ABCC5: variants seen among roughly 807,000 people sequenced by gnomAD.
ABCC5 encodes the protein ATP binding cassette subfamily C member 5.
In ABCC5, 61 loss-of-function variants were observed where a neutral mutation model predicts 160.9. The ratio of observed to expected loss-of-function variants is 0.38; its 90% CI spans 0.31 to 0.47. The LOEUF is 0.47. Among genes scored for constraint, ABCC5 ranks in the 20% least tolerant of loss-of-function variants. The pLI, the probability that ABCC5 is intolerant of heterozygous loss-of-function variation, is 0.99. For synonymous variants in ABCC5, 666 were observed against 700.6 expected, an observed-to-expected ratio of 0.95 and a Z score of 0.78; for missense variants, 1,308 against 1,813.3, an observed-to-expected ratio of 0.72 and a Z score of 5.06.
At chr3:184,005,045 C>G (rs1012731948) in intron 2 of ABCC5, among the ~76,000 whole-genome samples, 5 of 152,188 alleles carry the variant, frequency 3.3e-5, no homozygotes, top group African/African-American at 1.2e-4. Flanking sequence ...CAGCCCAGCA[C>G]ACTGGGCCAG....
chr3:183,963,368 G>A lies in ABCC5; in HGVS notation c.2235+17C>T, dbSNP rs1258731907. 3 of 1,613,850 alleles carry A rather than the reference G, an allele frequency of 1.9e-6. No individual in the cohort carries two copies. The African/African-American group carries it at 4.0e-5, about 22-fold the overall frequency. ...TCCCAAACTCAGGCAGGCAGCCGAG[G>A]GAAGAAAGAACCATACCTGTAACTG... On this transcript the variant is annotated intron_variant, in intron 15 of 29. Coordinates refer to ENST00000334444, the MANE Select transcript of ABCC5 (RefSeq NM_005688.4). This position sits in a 1 kb window ranked among gnomAD's most constrained non-coding sequence, Gnocchi z 4.6.
At chr3:183,985,271 G>C (rs1363773907) in intron 5 of ABCC5, 1 of 1,569,422 alleles carries the variant, frequency 6.4e-7, no homozygotes, top group South Asian at 1.1e-5. Flanking sequence ...TCTGGCTGTG[G>C]AAAGCATTCC....
chr3:183,985,063 A>G, intron 5 of ABCC5: 3 of 677,488 alleles, frequency 4.4e-6, no homozygotes, highest in Non-Finnish European at 7.4e-6. Context: ...GGGGGGAAAA[A>G]GAGGAAACAG....
chr3:183,920,425 C>CA lies in ABCC5; in HGVS notation c.*874dup, dbSNP rs1711860127. The stretch of plus-strand genomic sequence containing the variant: ...GGTCTTGGAGCTGGAGAGCTCTGTG[C>CA]AGTGGCCAGCCATAGGAACCTGAGG... On this transcript the variant is annotated 3_prime_UTR_variant, in exon 30 of 30. Transcript: ENST00000334444. This position sits in a 1 kb window ranked among gnomAD's most constrained non-coding sequence, Gnocchi z 4.1. 1 of 152,572 alleles carries CA rather than the reference C, an allele frequency of 6.6e-6. No individual in the cohort carries two copies. The highest frequency in any genetic ancestry group is 1.5e-5 in the Non-Finnish European group (1 of 68,046). 9.5% of individuals were successfully genotyped at this position (152,572 alleles called of 1,614,324 possible). A position where few individuals can be genotyped will look rare whatever the true frequency, so the allele number is the denominator to read the frequency against.
intron 8 of ABCC5, among the ~76,000 whole-genome samples, chr3:183,981,111 C>G (rs1288837156): frequency 6.6e-6 from 1 of 152,196 alleles, no homozygotes; most frequent in Non-Finnish European, 1.5e-5. Context: ...AGCCTCATCT[C>G]TTTTATTTAA....
At chr3:183,993,743 A>T (rs1393764971) in intron 2 of ABCC5, among the ~76,000 whole-genome samples, 3 of 152,190 alleles carry the variant, frequency 2.0e-5, no homozygotes. Context: ...TATATAACAT[A>T]AAATTTGCCA....
chr3:183,954,557 T>C (rs1715690158), intron 17 of ABCC5, among the ~76,000 whole-genome samples: 1 of 152,118 alleles, frequency 6.6e-6, no homozygotes, highest in Non-Finnish European at 1.5e-5. Context: ...GAACTGGGGT[T>C]GTGATGGTGG....
At chr3:184,014,142 G>T (rs1721990836) in intron 2 of ABCC5, 122 bp downstream of exon 2, 3 of 782,944 alleles carry the variant, frequency 3.8e-6, no homozygotes, top group Non-Finnish European at 6.0e-6. Context: ...CAAAGTGCTG[G>T]GTTTATAGGC....
Position 183,949,740 on chromosome 3 carries a change from C to T in ABCC5, c.3227+13G>A. 6.2e-7 allele frequency: 1 copy of T among 1,613,860 alleles called. No individual in the cohort carries two copies. Among genetic ancestry groups the T allele is most frequent in the Non-Finnish European group, 8.5e-7 (1 of 1,179,950 alleles). On this transcript the variant is annotated intron_variant, in intron 22 of 29. Transcript: ENST00000334444. This position sits in a 1 kb window ranked among gnomAD's most constrained non-coding sequence, Gnocchi z 4.2. Reference sequence around the variant, plus strand: ...ACTCCCCTTTGAGGCCTCTAGCCCCCATCAGGACAAACCTGTGCAGAAACT... The same window carrying T: ...ACTCCCCTTTGAGGCCTCTAGCCCCTATCAGGACAAACCTGTGCAGAAACT...
chr3:183,951,745 G>T lies in ABCC5; in HGVS notation c.2814+112C>A. 1 of 1,496,604 alleles carries T rather than the reference G, an allele frequency of 6.7e-7. No individual in the cohort carries two copies. The highest frequency in any genetic ancestry group is 9.1e-7 in the Non-Finnish European group (1 of 1,104,524). 92.7% of individuals were successfully genotyped at this position (1,496,604 alleles called of 1,614,324 possible). A position where few individuals can be genotyped will look rare whatever the true frequency, so the allele number is the denominator to read the frequency against. On this transcript the variant is annotated intron_variant, in intron 19 of 29. Transcript: ENST00000334444. This position sits in a 1 kb window ranked among gnomAD's most constrained non-coding sequence, Gnocchi z 4.7. Reference sequence around the variant, plus strand: ...ACGGAATATGAGTCATCTCAGCCAGGGCCATCCTGGTTAAGGGAGCTCCCC... The same window carrying T: ...ACGGAATATGAGTCATCTCAGCCAGTGCCATCCTGGTTAAGGGAGCTCCCC...
rs1156544383 is a variant in ABCC5, at chr3:183,988,476, G to C, written c.443+96C>G. On this transcript the variant is annotated intron_variant, in intron 4 of 29. Coordinates refer to ENST00000334444, the MANE Select transcript of ABCC5 (RefSeq NM_005688.4). The surrounding 1 kb of genome is among the most constrained non-coding windows in gnomAD (Gnocchi z 4.4). ...CCGCCCGCCCTCCACTGGACAGCTC[G>C]GCTCTTTAAAGACACAGAGCTGTGG... 1 of 1,465,822 alleles carries C rather than the reference G, an allele frequency of 6.8e-7. No individual in the cohort carries two copies. Among genetic ancestry groups the C allele is most frequent in the Non-Finnish European group, 9.1e-7 (1 of 1,093,956 alleles). The allele number at this position is 1,465,822 out of a possible 1,614,324, so 90.8% of individuals were successfully genotyped here.
chr3:183,949,415 T>G lies in ABCC5; in HGVS notation c.3227+338A>C, dbSNP rs560398942. Among the ~76,000 whole-genome samples, 1 of 152,232 alleles carries G rather than the reference T, an allele frequency of 6.6e-6. No homozygotes were observed. ...ACTCCTAATCTGTGGGGTTTGTTCC[T>G]TGTATTTTGTTTTGAGATGGGGTCC... is the stretch of plus-strand genomic sequence containing the variant. On this transcript the variant is annotated intron_variant, in intron 22 of 29. Transcript: ENST00000334444. This position sits in a 1 kb window ranked among gnomAD's most constrained non-coding sequence, Gnocchi z 4.2.
chr3:183,978,593 A>G lies in ABCC5; in HGVS notation c.1206T>C (p.Thr402=). The G allele has an allele frequency of 6.2e-7, 1 of 1,614,038 alleles. No homozygotes were observed. The highest frequency in any genetic ancestry group is 8.5e-7 in the Non-Finnish European group (1 of 1,179,994). The part of the protein sequence containing the change: ...LEKAGYFQSI[T]VGVAPIVVVI... ...CCACCACAATGGGAGCCACACCCACAGTGATGCTCTGGAAGTACCCAGCTT... is the reference window on the plus strand; with the variant it reads ...CCACCACAATGGGAGCCACACCCACGGTGATGCTCTGGAAGTACCCAGCTT... The change falls in exon 9 of 30, where the codon ACT becomes ACC. Residue 402 remains threonine, a synonymous_variant. Transcript: ENST00000334444.
At position 183,989,273 on chromosome 3, in the gene ABCC5, C is replaced by T. The variant is rs1719521043; in HGVS notation, c.240G>A (p.Lys80=). The T allele has an allele frequency of 1.2e-6, 2 of 1,603,268 alleles. No homozygotes were observed. Among genetic ancestry groups the T allele is most frequent in the African/African-American group, 1.3e-5 (1 of 74,288 alleles). ...TCAGAGCACTCAAGCCATGATGGTA[C>T]TTTCCCTTGGGATGCTCCTCATCCA... The part of the protein sequence containing the change: ...RILDEEHPKG[K]YHHGLSALKP... Residue 80 remains lysine, a synonymous_variant, in exon 3 of 30, where the codon AAG becomes AAA. Transcript: ENST00000334444.
In ABCC5 at chr3:183,949,996, A is replaced by G; in HGVS notation, c.3074T>C (p.Phe1025Ser). 6.2e-7 allele frequency: 1 copy of G among 1,614,150 alleles called. No homozygotes were observed. Among genetic ancestry groups the G allele is most frequent in the Non-Finnish European group, 8.5e-7 (1 of 1,180,034 alleles). ...CCTGGAGACAATGTGCAGGACTGAAAAGAGGATGACAAGGGGCCCCACTGC... is the reference window on the plus strand; with the variant it reads ...CCTGGAGACAATGTGCAGGACTGAAGAGAGGATGACAAGGGGCCCCACTGC... ...LVAVGPLVIL[F>S]SVLHIVSRVL... The change falls in exon 21 of 30, where the codon TTT becomes TCT. Residue 1025 changes from phenylalanine (F) to serine (S), a missense_variant. Phe to Ser is a radical substitution (Grantham distance 155). Transcript: ENST00000334444. The surrounding 1 kb of genome is among the most constrained non-coding windows in gnomAD (Gnocchi z 4.2).
intron 12 of ABCC5, among the ~76,000 whole-genome samples, chr3:183,966,944 T>C (rs556064100): frequency 3.9e-5 from 6 of 152,264 alleles, no homozygotes; most frequent in Non-Finnish European, 7.4e-5. Context: ...ATCATAAGTT[T>C]ATGCTCATCT....
chr3:183,949,954 T>C lies in ABCC5; in HGVS notation c.3098+18A>G, dbSNP rs1405092816. 6.2e-7 allele frequency: 1 copy of C among 1,614,042 alleles called. No homozygotes were observed. The highest frequency in any genetic ancestry group is 1.1e-5 in the South Asian group (1 of 91,060). ...GGCTTCTCCGTGGCCCCAGCAGACA[T>C]GAACGCTTCCTATTTACCTGGAGAC... On this transcript the variant is annotated intron_variant, in intron 21 of 29. Coordinates refer to ENST00000334444, the MANE Select transcript of ABCC5 (RefSeq NM_005688.4). This position sits in a 1 kb window ranked among gnomAD's most constrained non-coding sequence, Gnocchi z 4.2.
intron 2 of ABCC5, among the ~76,000 whole-genome samples, chr3:183,993,341 G>T (rs1719947981): frequency 6.6e-6 from 1 of 151,974 alleles, no homozygotes; most frequent in Non-Finnish European, 1.5e-5. Context: ...AAAATTAGCA[G>T]GGCGTGGTGG....
In ABCC5 at chr3:183,928,768, C is replaced by T. The variant is rs757663347; in HGVS notation, c.3912G>A (p.Glu1304=). The change falls in exon 27 of 30, where the codon GAG becomes GAA. Residue 1304 remains glutamate, a synonymous_variant. Coordinates refer to ENST00000334444, the MANE Select transcript of ABCC5 (RefSeq NM_005688.4). Reference sequence around the variant, plus strand: ...TTACACATTCTTTCATGTGTGTCCTCTCCAGGGCATCCCAAATCTGGTCTT... The same window carrying T: ...TTACACATTCTTTCATGTGTGTCCTTTCCAGGGCATCCCAAATCTGGTCTT... ...YTEDQIWDAL[E]RTHMKECIAQ... The T allele has an allele frequency of 1.2e-6, 2 of 1,614,180 alleles. No individual in the cohort carries two copies. Among genetic ancestry groups the T allele is most frequent in the Admixed American group, 3.3e-5 (2 of 60,024 alleles).
Sources: gnomAD v4.1 joint callset for allele counts (sites outside exome capture counted in the v4.1 genomes callset) on GRCh38, gnomAD v4.1.1 for gene constraint, Gnocchi (gnomAD v3.1) non-coding constraint, MANE v1.5 for transcripts, NCBI Gene and HGNC (gene_info 2026-07-23, HGNC 2026-07-21) for gene names.